The following EPHA6 variants were observed in gnomAD, a reference collection of about 807,000 sequenced individuals.
The protein encoded by EPHA6 is ephrin type-A receptor 6.
Under a neutral mutation model 112.0 loss-of-function variants are expected in EPHA6, and 50 were observed. The ratio of observed to expected loss-of-function variants is 0.45; its 90% CI spans 0.36 to 0.56. The LOEUF is 0.56. Ranked by LOEUF, EPHA6 falls within the 20% of genes least tolerant of loss-of-function variation. EPHA6 has a pLI of 0.00. For synonymous variants in EPHA6, 529 were observed against 490.7 expected, an observed-to-expected ratio of 1.08 and a Z score of -1.03; for missense variants, 1,280 against 1,417.4, an observed-to-expected ratio of 0.90 and a Z score of 1.56.
chr3:97,364,360 A>G (rs1359675157), intron 5 of EPHA6, among the ~76,000 whole-genome samples: 1 of 142,720 alleles, frequency 7.0e-6, no homozygotes, highest in African/African-American at 2.6e-5. Flanking sequence ...TTTTTTTTTT[A>G]CATTTGACAT....
chr3:97,510,102 G>T (rs1303189478), intron 10 of EPHA6, among the ~76,000 whole-genome samples: 1 of 152,112 alleles, frequency 6.6e-6, no homozygotes, highest in South Asian at 2.1e-4. Context: ...CTTTTCTCAA[G>T]GTTCTTAGCT....
At chr3:97,448,275 C>T (rs897607373) in intron 6 of EPHA6, among the ~76,000 whole-genome samples, 8 of 152,116 alleles carry the variant, frequency 5.3e-5, no homozygotes, top group African/African-American at 1.7e-4. Flanking sequence ...AACATATTCT[C>T]ACACCACCAT....
chr3:96,860,932 A>G (rs1258796168), intron 1 of EPHA6, among the ~76,000 whole-genome samples: 1 of 152,086 alleles, frequency 6.6e-6, no homozygotes, highest in Non-Finnish European at 1.5e-5. Context: ...CACACAGATA[A>G]CAGAACAATT....
In EPHA6 at chr3:97,756,104, C is replaced by A. The variant is rs1358760520; in HGVS notation, c.*7403C>A. 6.6e-6 allele frequency among the ~76,000 whole-genome samples: 1 copy of A among 151,932 alleles called. No homozygotes were observed. Among genetic ancestry groups the A allele is most frequent in the Non-Finnish European group, 1.5e-5 (1 of 67,860 alleles). Reference sequence around the variant, plus strand: ...TAATTCTTCATATTAGTTTATTTTTCAAAGTAGTAACTTTTGCTATCTTTA... The same window carrying A: ...TAATTCTTCATATTAGTTTATTTTTAAAAGTAGTAACTTTTGCTATCTTTA... On this transcript the variant is annotated 3_prime_UTR_variant, in exon 18 of 18. Transcript: ENST00000389672.
chr3:97,387,487 C>G (rs1273059370), intron 5 of EPHA6, among the ~76,000 whole-genome samples: 1 of 152,086 alleles, frequency 6.6e-6, no homozygotes, highest in Non-Finnish European at 1.5e-5. Context: ...CTGCAATTCT[C>G]TTTGCCAAAG....
intron 4 of EPHA6, among the ~76,000 whole-genome samples, chr3:97,228,197 A>G (rs1452890567): frequency 1.3e-5 from 2 of 152,022 alleles, no homozygotes; most frequent in Admixed American, 6.6e-5. Context: ...TTTTTGGGGA[A>G]CAGGTGGTGT....
At chr3:96,980,251 G>C (rs1297328461) in intron 2 of EPHA6, among the ~76,000 whole-genome samples, 1 of 152,118 alleles carries the variant, frequency 6.6e-6, no homozygotes, top group East Asian at 1.9e-4. Flanking sequence ...AAGGGATCCA[G>C]TTTCAGCTTT....
At chr3:97,126,829 T>A (rs1394549645) in intron 3 of EPHA6, among the ~76,000 whole-genome samples, 1 of 151,268 alleles carries the variant, frequency 6.6e-6, no homozygotes, top group Non-Finnish European at 1.5e-5. Context: ...CAATATTAGT[T>A]TATTAAAAAC....
chr3:97,629,895 T>G (rs1184826868), intron 13 of EPHA6, among the ~76,000 whole-genome samples: 2 of 151,998 alleles, frequency 1.3e-5, no homozygotes, highest in African/African-American at 4.8e-5. Context: ...CTACCCCAAA[T>G]AATAACTTTA....
intron 6 of EPHA6, among the ~76,000 whole-genome samples, chr3:97,412,085 A>T (rs2087756213): frequency 6.6e-6 from 1 of 151,978 alleles, no homozygotes; most frequent in Non-Finnish European, 1.5e-5. Flanking sequence ...ATGGTGCCAT[A>T]TTTGGGGATA....
At chr3:97,297,198 C>T (rs760526350) in intron 5 of EPHA6, among the ~76,000 whole-genome samples, 64 of 152,118 alleles carry the variant, frequency 4.2e-4, no homozygotes, top group Non-Finnish European at 7.5e-4. Context: ...TTTCACACAC[C>T]GGGGAGCCAC....
rs145836329 is a variant in EPHA6 at position 96,818,769 on chromosome 3, T to C, written c.385+3761T>C. On this transcript the variant is annotated intron_variant, in intron 1 of 17. Coordinates refer to ENST00000389672, the MANE Select transcript of EPHA6 (RefSeq NM_001080448.3). ...TGAAAATATTAAAAATTTTGTTAAATTAGGAACACTGGATTACTTAGAATG... is the reference window on the plus strand; with the variant it reads ...TGAAAATATTAAAAATTTTGTTAAACTAGGAACACTGGATTACTTAGAATG... Among the ~76,000 whole-genome samples, 176 of 152,032 alleles carry C rather than the reference T, an allele frequency of 1.2e-3. 1 individual carries two copies. The highest frequency in any genetic ancestry group is 4.0e-3 in the African/African-American group (168 of 41,554).
At chr3:97,737,711 A>G (rs999596962) in intron 16 of EPHA6, among the ~76,000 whole-genome samples, 2 of 152,026 alleles carry the variant, frequency 1.3e-5, no homozygotes, top group Admixed American at 1.3e-4. Flanking sequence ...CTCAGGTAAA[A>G]AGATCTGGAC....
intron 3 of EPHA6, among the ~76,000 whole-genome samples, chr3:96,992,775 AC>A (rs927609878): frequency 2.0e-5 from 3 of 151,892 alleles, no homozygotes; most frequent in Admixed American, 6.6e-5. Context: ...TGTATCTCTT[AC>A]CTTTTTTCAT....
chr3:97,425,508 C>G (rs911903806), intron 6 of EPHA6, among the ~76,000 whole-genome samples: 10 of 152,212 alleles, frequency 6.6e-5, no homozygotes. Flanking sequence ...ATGCAGGGCA[C>G]CAAGTCCCTA....
At chr3:97,234,638 G>C (rs368583734) in intron 4 of EPHA6, among the ~76,000 whole-genome samples, 3 of 151,872 alleles carry the variant, frequency 2.0e-5, no homozygotes, top group East Asian at 3.9e-4. Flanking sequence ...TGCAATCTCC[G>C]TTTCACCCTC....
intron 3 of EPHA6, among the ~76,000 whole-genome samples, chr3:97,010,712 G>A (rs2044054114): frequency 6.6e-6 from 1 of 152,038 alleles, no homozygotes; most frequent in Admixed American, 6.6e-5. Context: ...CCAGGCTGGA[G>A]TGCGGTAGCG....
chr3:97,706,254 T>C (rs62262840), intron 14 of EPHA6, among the ~76,000 whole-genome samples: 1 of 152,018 alleles, frequency 6.6e-6, no homozygotes, highest in African/African-American at 2.4e-5. Flanking sequence ...CCTTTTATTT[T>C]AGGAAAAAAA....
rs189379505 is a variant in EPHA6, at chr3:96,904,687, A to T, written c.450+37798A>T. ...AAATTCTCAGGGAGACTGCATTAACAACTCTTTTGATGTAGGTAGTCTATG... is the reference window on the plus strand; with the variant it reads ...AAATTCTCAGGGAGACTGCATTAACTACTCTTTTGATGTAGGTAGTCTATG... On this transcript the variant is annotated intron_variant, in intron 2 of 17. Transcript: ENST00000389672. 1.0e-3 allele frequency among the ~76,000 whole-genome samples: 153 copies of T among 152,204 alleles called. 2 individuals carry two copies. Among genetic ancestry groups the T allele is most frequent in the African/African-American group, 3.5e-3 (144 of 41,560 alleles).
Sources: allele counts gnomAD v4.1 joint callset (sites outside exome capture counted in the v4.1 genomes callset), GRCh38; gene constraint gnomAD v4.1.1; transcripts MANE v1.5; gene names NCBI Gene and HGNC (gene_info 2026-07-23, HGNC 2026-07-21).